Variants in CRACD observed in about 807,000 individuals in gnomAD.
CRACD encodes capping protein inhibiting regulator of actin dynamics, also known as capping protein-inhibiting regulator of actin dynamics.
Under a neutral mutation model 106.8 loss-of-function variants are expected in CRACD, and 56 were observed. The ratio of observed to expected loss-of-function variants is 0.52; its 90% CI spans 0.42 to 0.66. The LOEUF is 0.66. Among genes scored for constraint, CRACD ranks in the 30% least tolerant of loss-of-function variants. CRACD has a pLI of 0.00. For missense variants in CRACD, 1,730 were observed against 1,623.2 expected (o/e 1.07, Z -1.13); for synonymous variants, 754 against 670.8 (o/e 1.12, Z -1.92).
chr4:56,084,493 A>G (rs965004287), intron 1 of CRACD, among the ~76,000 whole-genome samples: 2 of 152,198 alleles, frequency 1.3e-5, no homozygotes, highest in Non-Finnish European at 2.9e-5. Context: ...AATACTTTAT[A>G]TGAAATTTGT....
At chr4:56,209,456 T>TA (rs1738291409) in intron 2 of CRACD, among the ~76,000 whole-genome samples, 1 of 152,162 alleles carries the variant, frequency 6.6e-6, no homozygotes, top group Non-Finnish European at 1.5e-5. Context: ...TTGTTTTTCT[T>TA]ACATCTAGTT....
intron 2 of CRACD, among the ~76,000 whole-genome samples, chr4:56,242,047 A>G (rs1740396505): frequency 6.6e-6 from 1 of 152,182 alleles, no homozygotes; most frequent in South Asian, 2.1e-4. Flanking sequence ...TTTGAATGAC[A>G]AAGTAAGAAG....
intron 2 of CRACD, among the ~76,000 whole-genome samples, chr4:56,186,042 G>A (rs1030529402): frequency 6.6e-6 from 1 of 152,150 alleles, no homozygotes; most frequent in African/African-American, 2.4e-5. Context: ...CTCCGGGAGG[G>A]CTCTGGGATG....
At chr4:56,087,200 A>T (rs1733258509) in intron 1 of CRACD, among the ~76,000 whole-genome samples, 1 of 152,110 alleles carries the variant, frequency 6.6e-6, no homozygotes. Context: ...TTTAGTAGAG[A>T]TGGGGTTTCA....
chr4:56,192,256 G>T (rs921427550), intron 2 of CRACD, among the ~76,000 whole-genome samples: 1 of 152,120 alleles, frequency 6.6e-6, no homozygotes, highest in East Asian at 1.9e-4. Context: ...GCCGAGCATG[G>T]TGGTGCACAC....
intron 1 of CRACD, among the ~76,000 whole-genome samples, chr4:56,099,771 G>A (rs1733720726): frequency 6.6e-6 from 1 of 152,188 alleles, no homozygotes. Context: ...TGCTGCATGT[G>A]TTGCTATGGA....
At chr4:56,056,337 T>C (rs944846223) in intron 1 of CRACD, among the ~76,000 whole-genome samples, 3 of 152,238 alleles carry the variant, frequency 2.0e-5, no homozygotes, top group African/African-American at 7.2e-5. Flanking sequence ...TAGACCTTGA[T>C]CTGAAAATCT....
At chr4:56,094,968 A>T (rs1299118701) in intron 1 of CRACD, among the ~76,000 whole-genome samples, 1 of 152,220 alleles carries the variant, frequency 6.6e-6, no homozygotes. Flanking sequence ...TTTAGAATGT[A>T]TTTAAAATCC....
intron 2 of CRACD, among the ~76,000 whole-genome samples, chr4:56,248,552 T>A (rs566937676): frequency 4.6e-4 from 70 of 151,916 alleles, no homozygotes; most frequent in African/African-American, 1.7e-3. Flanking sequence ...TTGTGAATTA[T>A]CTCTATATTA....
At chr4:56,104,844 G>A (rs980078501) in intron 1 of CRACD, among the ~76,000 whole-genome samples, 2 of 151,910 alleles carry the variant, frequency 1.3e-5, no homozygotes, top group African/African-American at 4.8e-5. Context: ...GCGGGTGCCT[G>A]TAATCCCAGC....
intron 2 of CRACD, among the ~76,000 whole-genome samples, chr4:56,197,646 G>A (rs1560480489): frequency 2.6e-5 from 4 of 151,928 alleles, no homozygotes; most frequent in Non-Finnish European, 5.9e-5. Flanking sequence ...AGGTTACAAA[G>A]TCTATTAGAC....
intron 1 of CRACD, among the ~76,000 whole-genome samples, chr4:56,104,408 C>CA (rs921797611): frequency 5.9e-5 from 8 of 134,686 alleles, no homozygotes; most frequent in South Asian, 2.5e-4. Flanking sequence ...AAAACAAACA[C>CA]AAAAAAACAA....
At chr4:56,301,176 C>T in intron 4 of CRACD, 10 of 1,221,374 alleles carry the variant, frequency 8.2e-6, no homozygotes, top group Non-Finnish European at 1.1e-5. Context: ...TTTGGCGTGA[C>T]TTGAGATATA....
chr4:56,166,601 A>G (rs1441974779), intron 1 of CRACD, among the ~76,000 whole-genome samples: 1 of 144,260 alleles, frequency 6.9e-6, no homozygotes, highest in Non-Finnish European at 1.5e-5. Flanking sequence ...AATCGCTTAA[A>G]CCTAGGAAGC....
intron 3 of CRACD, among the ~76,000 whole-genome samples, chr4:56,273,713 A>G (rs566181445): frequency 2.0e-5 from 3 of 152,262 alleles, no homozygotes; most frequent in South Asian, 2.1e-4. Context: ...TATGGAAATT[A>G]TTGATTTGCT....
chr4:56,150,410 G>A (rs1435245583), intron 1 of CRACD, among the ~76,000 whole-genome samples: 2 of 152,056 alleles, frequency 1.3e-5, no homozygotes, highest in Admixed American at 6.6e-5. Flanking sequence ...TATATATCCA[G>A]AAAACACACA....
At position 56,279,067 on chromosome 4, in the gene CRACD, A is replaced by ATGTTTAGTTCTAAACATTAT. The variant is rs563219256; in HGVS notation, c.-17+6575_-17+6576insTGTTTAGTTCTAAACATTAT. ...TGGGAATATAAAATATTAATGGTTTAGGGTAATGTTTAGTTCTGATCCCAT... is the reference window on the plus strand; with the variant it reads ...TGGGAATATAAAATATTAATGGTTTATGTTTAGTTCTAAACATTATGGGTAATGTTTAGTTCTGATCCCAT... On this transcript the variant is annotated intron_variant, in intron 3 of 10. Coordinates refer to ENST00000682029, the MANE Select transcript of CRACD (RefSeq NM_001393381.1). Among the ~76,000 whole-genome samples, 231 of 152,304 alleles carry ATGTTTAGTTCTAAACATTAT rather than the reference A, an allele frequency of 1.5e-3. 2 individuals are homozygous for ATGTTTAGTTCTAAACATTAT. The highest frequency in any genetic ancestry group is 5.3e-3 in the African/African-American group (220 of 41,556).
chr4:56,289,802 A>G lies in CRACD; in HGVS notation c.-16-8412A>G, dbSNP rs577201871. 6.6e-5 allele frequency among the ~76,000 whole-genome samples: 10 copies of G among 152,312 alleles called. No individual in the cohort carries two copies. In the South Asian group the frequency reaches 1.7e-3, roughly 25 times the overall value. On this transcript the variant is annotated intron_variant, in intron 3 of 10. Coordinates refer to ENST00000682029, the MANE Select transcript of CRACD (RefSeq NM_001393381.1). ...CCTTTCTTGTCGTGATCTAGCAGCC[A>G]CCATTCATATAATGTCATTTTCTCT...
Position 56,314,427 on chromosome 4 carries a change from G to A in CRACD, c.925G>A (p.Glu309Lys), listed in dbSNP as rs766424756. ...GGAGGACGCGGAGCGGAGGGAGCGT[G>A]AGGAGCGCGAGCGCCTGGAGGCGGA... ...GWEDAERRER[E>K]ERERLEAEEE... The change falls in exon 8 of 11, where the codon GAG (glutamate) becomes AAG (lysine). Residue 309 changes from glutamate to lysine, a missense_variant. Glu to Lys is a moderately conservative substitution (Grantham distance 56). Around this residue, in one of 5 missense-constraint regions of CRACD, gnomAD observed 1,620 missense variants for 1,481.6 expected, o/e 1.09. Coordinates refer to ENST00000682029, the MANE Select transcript of CRACD (RefSeq NM_001393381.1). This position sits in a 1 kb window ranked among gnomAD's most constrained non-coding sequence, Gnocchi z 4.4. 2.0e-5 allele frequency: 30 copies of A among 1,469,362 alleles called. No individual in the cohort carries two copies. Among genetic ancestry groups the A allele is most frequent in the Non-Finnish European group, 2.5e-5 (28 of 1,107,164 alleles). 91.0% of individuals were successfully genotyped at this position (1,469,362 alleles called of 1,614,324 possible).
Sources: allele counts gnomAD v4.1 joint callset (sites outside exome capture counted in the v4.1 genomes callset), GRCh38; gene constraint gnomAD v4.1.1; regional missense constraint gnomAD v4.1.1; non-coding constraint Gnocchi (gnomAD v3.1); transcripts MANE v1.5; gene names NCBI Gene and HGNC (gene_info 2026-07-23, HGNC 2026-07-21).